Variants in PACRG observed in about 807,000 individuals in gnomAD.
The protein encoded by PACRG is parkin coregulated.
In PACRG, 29 loss-of-function variants were observed where a neutral mutation model predicts 29.7. The observed-to-expected ratio is 0.98, with a 90% CI of 0.73 to 1.33. PACRG has a LOEUF of 1.33. PACRG is among the 40% of genes most tolerant of loss of function. The probability of loss-of-function intolerance (pLI) is 0.00; values close to 1 mark genes in which losing one functional copy is unlikely to be tolerated. For synonymous variants in PACRG, 116 were observed against 118.7 expected (o/e 0.98, Z 0.15); for missense variants, 279 against 316.2 (o/e 0.88, Z 0.89).
rs75664571 is a variant in PACRG at position 162,954,722 on chromosome 6, T to G, written c.292-107428T>G. On this transcript the variant is annotated intron_variant, in intron 2 of 4. Transcript: ENST00000366888. ...ACTGTACTGATGAATGAAAACCTCA[T>G]GTCAAGTAGCTTTTGGTGAGTATAG... Among the ~76,000 whole-genome samples the G allele has an allele frequency of 4.1e-3, 617 of 152,268 alleles. 3 individuals carry two copies. The highest frequency in any genetic ancestry group is 0.014 in the African/African-American group (589 of 41,552).
chr6:163,248,889 C>T (rs1035054930), intron 4 of PACRG, among the ~76,000 whole-genome samples: 8 of 151,784 alleles, frequency 5.3e-5, no homozygotes, highest in Admixed American at 3.3e-4. Flanking sequence ...TGGTGGCAGG[C>T]GTCTGTTGGG....
At chr6:162,747,817 G>C (rs993468219) in intron 1 of PACRG, among the ~76,000 whole-genome samples, 2 of 151,978 alleles carry the variant, frequency 1.3e-5, no homozygotes, top group East Asian at 1.9e-4. Flanking sequence ...ATTAGTAATG[G>C]GAGACGGGGC....
upstream of PACRG, chr6:162,727,844 G>T: frequency 1.5e-6 from 1 of 645,882 alleles, no homozygotes; most frequent in Non-Finnish European, 2.6e-6. Context: ...GCTGGGAGTC[G>T]TAGTTCTAAC....
At chr6:162,785,273 G>A (rs952839266) in intron 1 of PACRG, among the ~76,000 whole-genome samples, 4 of 151,866 alleles carry the variant, frequency 2.6e-5, no homozygotes, top group African/African-American at 9.7e-5. Flanking sequence ...AATCAATTTA[G>A]GTGTGGTTAT....
At chr6:162,888,932 T>C (rs1445042919) in intron 2 of PACRG, among the ~76,000 whole-genome samples, 2 of 152,212 alleles carry the variant, frequency 1.3e-5, no homozygotes, top group Non-Finnish European at 2.9e-5. Flanking sequence ...CATAGGTTTA[T>C]ATTTCAGGGT....
intron 2 of PACRG, among the ~76,000 whole-genome samples, chr6:162,906,753 A>G (rs894849598): frequency 3.3e-5 from 5 of 152,208 alleles, no homozygotes; most frequent in African/African-American, 1.2e-4. Context: ...GGGAACTGAC[A>G]TATTGCTAAA....
intron 2 of PACRG, among the ~76,000 whole-genome samples, chr6:162,987,687 A>AC (rs1244640293): frequency 6.6e-6 from 1 of 152,164 alleles, no homozygotes; most frequent in Non-Finnish European, 1.5e-5. Context: ...TTTATAAATT[A>AC]CCCAGTCTTA....
intron 1 of PACRG, among the ~76,000 whole-genome samples, chr6:162,747,614 G>A (rs1781185634): frequency 6.6e-6 from 1 of 150,434 alleles, no homozygotes; most frequent in Non-Finnish European, 1.5e-5. Flanking sequence ...GACCTACGTA[G>A]TACAAACACC....
intron 2 of PACRG, among the ~76,000 whole-genome samples, chr6:162,988,680 A>G (rs1394691510): frequency 1.3e-5 from 2 of 152,216 alleles, no homozygotes; most frequent in Non-Finnish European, 2.9e-5. Context: ...GAATCTATTG[A>G]AACAGTTTTA....
chr6:163,230,913 T>TG (rs1337601099), intron 4 of PACRG, among the ~76,000 whole-genome samples: 1 of 152,190 alleles, frequency 6.6e-6, no homozygotes, highest in East Asian at 1.9e-4. Flanking sequence ...AAGGTGTCCC[T>TG]GCCAGTAATT....
intron 4 of PACRG, among the ~76,000 whole-genome samples, chr6:163,245,988 G>A (rs1440190773): frequency 3.3e-5 from 5 of 152,016 alleles, no homozygotes; most frequent in East Asian, 3.9e-4. Context: ...ACCCCTCAGC[G>A]CCTCCACCTC....
chr6:163,079,950 T>G (rs978579694), intron 3 of PACRG, among the ~76,000 whole-genome samples: 4 of 132,110 alleles, frequency 3.0e-5, no homozygotes, highest in South Asian at 2.6e-4. Context: ...CAGGCTGGAG[T>G]GCAGTGGCGC....
intron 2 of PACRG, among the ~76,000 whole-genome samples, chr6:162,920,536 C>G (rs544890667): frequency 6.6e-6 from 1 of 152,134 alleles, no homozygotes; most frequent in East Asian, 1.9e-4. Flanking sequence ...GGGATGAAAT[C>G]ACTACTTTTT....
intron 4 of PACRG, among the ~76,000 whole-genome samples, chr6:163,229,019 A>C (rs1781917063): frequency 6.6e-6 from 1 of 152,244 alleles, no homozygotes; most frequent in South Asian, 2.1e-4. Flanking sequence ...TAAAAATAGT[A>C]AACATTTTAC....
intron 4 of PACRG, among the ~76,000 whole-genome samples, chr6:163,215,830 A>G (rs1325484943): frequency 1.3e-5 from 2 of 152,228 alleles, no homozygotes; most frequent in Admixed American, 1.3e-4. Context: ...AAATCTCCCA[A>G]TGCTTCAGAA....
At chr6:162,766,179 C>G (rs975358891) in intron 1 of PACRG, among the ~76,000 whole-genome samples, 1 of 152,130 alleles carries the variant, frequency 6.6e-6, no homozygotes, top group Non-Finnish European at 1.5e-5. Flanking sequence ...CTCCTGCTAC[C>G]TATCTGAAAC....
At chr6:162,845,115 C>T (rs1244369004) in intron 2 of PACRG, among the ~76,000 whole-genome samples, 2 of 151,586 alleles carry the variant, frequency 1.3e-5, no homozygotes, top group Non-Finnish European at 1.5e-5. Context: ...GAAAGCAGCC[C>T]AAATAGCCAC....
intron 2 of PACRG, among the ~76,000 whole-genome samples, chr6:162,822,926 C>G (rs928698252): frequency 6.6e-6 from 1 of 151,948 alleles, no homozygotes; most frequent in Non-Finnish European, 1.5e-5. Context: ...TAACATATAA[C>G]ATATGTTATT....
At chr6:162,805,161 G>A (rs1786212785) in intron 1 of PACRG, among the ~76,000 whole-genome samples, 1 of 152,126 alleles carries the variant, frequency 6.6e-6, no homozygotes, top group African/African-American at 2.4e-5. Flanking sequence ...ACATTGTTCT[G>A]CAACACATGA....
Sources: gnomAD v4.1 joint callset for allele counts (sites outside exome capture counted in the v4.1 genomes callset) on GRCh38, gnomAD v4.1.1 for gene constraint, MANE v1.5 for transcripts, NCBI Gene and HGNC (gene_info 2026-07-23, HGNC 2026-07-21) for gene names.